Variants in MARCO observed in about 807,000 individuals in gnomAD.
MARCO encodes the protein macrophage receptor with collagenous structure, also known as macrophage receptor MARCO.
MARCO carries 72 observed loss-of-function variants against 70.0 expected under a neutral mutation model. The ratio of observed to expected loss-of-function variants is 1.03; its 90% confidence interval spans 0.85 to 1.25. MARCO has a LOEUF of 1.25. Among genes scored for constraint, MARCO ranks in the 50% most tolerant of loss-of-function variants. The pLI is 0.00. For missense variants in MARCO, 696 were observed against 659.3 expected, an observed-to-expected ratio of 1.06 and a Z score of -0.61; for synonymous variants, 273 against 243.1, an observed-to-expected ratio of 1.12 and a Z score of -1.14.
Position 118,957,166 on chromosome 2 carries a change from CA to C in MARCO, c.98-11987del, listed in dbSNP as rs1166329422. On this transcript the variant is annotated intron_variant, in intron 1 of 16. Coordinates refer to ENST00000327097, the MANE Select transcript of MARCO (RefSeq NM_006770.4). Reference sequence around the variant, plus strand: ...AGAGCAGAACTAAATAAAATTGAAACAAAAAAATACAAAAGATAAATGAAAC... The same window carrying C: ...AGAGCAGAACTAAATAAAATTGAAACAAAAAATACAAAAGATAAATGAAAC... Among the ~76,000 whole-genome samples, 35 of 151,080 alleles carry C rather than the reference CA, an allele frequency of 2.3e-4. No individual in the cohort carries two copies. In the East Asian group the frequency reaches 6.6e-3, roughly 29 times the overall value.
At chr2:118,943,985 T>C (rs533836386) in intron 1 of MARCO, among the ~76,000 whole-genome samples, 11 of 151,946 alleles carry the variant, frequency 7.2e-5, no homozygotes, top group African/African-American at 2.4e-4. Context: ...TGAGGGGCAG[T>C]GGATGGAAGG....
intron 12 of MARCO, among the ~76,000 whole-genome samples, chr2:118,988,584 A>G (rs1251227415): frequency 1.3e-5 from 2 of 152,046 alleles, no homozygotes; most frequent in African/African-American, 2.4e-5. Flanking sequence ...GGTAGGGTTC[A>G]GGGACCCCAA....
chr2:118,994,173 C>T (rs958773299), intron 16 of MARCO, among the ~76,000 whole-genome samples: 18 of 147,058 alleles, frequency 1.2e-4, no homozygotes, highest in Admixed American at 4.2e-4. Context: ...GAGAATAGAA[C>T]GGAGGCAAAG....
chr2:118,991,700 T>G lies in MARCO; in HGVS notation c.1109-77T>G, dbSNP rs143580721. 5 of 788,462 alleles carry G rather than the reference T, an allele frequency of 6.3e-6. No individual in the cohort carries two copies. In the African/African-American group the frequency reaches 8.9e-5, roughly 14 times the overall value. The allele number at this position is 788,462 out of a possible 1,614,324, so 48.8% of individuals were successfully genotyped here. ...CTGGCAGTTAAGGATAACTCATTTA[T>G]TAAACAGTAATGCCCTTGGGTCTCT... On this transcript the variant is annotated intron_variant, in intron 13 of 16. Transcript: ENST00000327097.
intron 12 of MARCO, among the ~76,000 whole-genome samples, chr2:118,986,703 AAG>A (rs1461543100): frequency 3.4e-5 from 4 of 118,848 alleles, no homozygotes; most frequent in East Asian, 5.2e-4. Context: ...GAAAGAAAGA[AAG>A]AAAGAAAGAA....
chr2:118,977,402 T>C, intron 6 of MARCO, 69 bp from the exon 7 acceptor site: 10 of 1,256,048 alleles, frequency 8.0e-6, no homozygotes, highest in South Asian at 7.2e-5. Flanking sequence ...ATCTAGAATG[T>C]CAGCTGATTA....
At chr2:118,950,517 T>C (rs1359110330) in intron 1 of MARCO, among the ~76,000 whole-genome samples, 3 of 152,234 alleles carry the variant, frequency 2.0e-5, no homozygotes, top group Non-Finnish European at 4.4e-5. Context: ...TTATAATCCT[T>C]TTACCAAAAG....
At chr2:118,990,778 G>C in intron 13 of MARCO, 145 bp downstream of exon 13, 2 of 767,586 alleles carry the variant, frequency 2.6e-6, no homozygotes, top group Non-Finnish European at 2.2e-6. Context: ...TGTCACTCAA[G>C]CCTCAGATTT....
chr2:118,992,019 A>C (rs147221284), intron 14 of MARCO, 144 bp downstream of exon 14: 1 of 685,624 alleles, frequency 1.5e-6, no homozygotes, highest in Non-Finnish European at 2.5e-6. Context: ...CTTGATTGAC[A>C]AGTCTTGTGC....
At chr2:118,993,779 G>T (rs777768911) in intron 16 of MARCO, among the ~76,000 whole-genome samples, 1 of 152,350 alleles carries the variant, frequency 6.6e-6, no homozygotes, top group East Asian at 1.9e-4. Flanking sequence ...GCAAATCAGA[G>T]CAGGGACTTA....
intron 4 of MARCO, among the ~76,000 whole-genome samples, chr2:118,973,962 C>T (rs1680225164): frequency 1.3e-5 from 2 of 152,172 alleles, no homozygotes; most frequent in South Asian, 4.1e-4. Context: ...TGTGAGCTTG[C>T]CTTGTGTGTT....
At position 118,982,201 on chromosome 2, in the gene MARCO, G is replaced by A; in HGVS notation, c.947G>A (p.Gly316Glu). 2 of 1,613,356 alleles carry A rather than the reference G, an allele frequency of 1.2e-6. No homozygotes were observed. Among genetic ancestry groups the A allele is most frequent in the Non-Finnish European group, 1.7e-6 (2 of 1,179,484 alleles). The change falls in exon 11 of 17, where the codon GGA becomes GAA. Residue 316 changes from glycine to glutamate, a missense_variant. Coordinates refer to ENST00000327097, the MANE Select transcript of MARCO (RefSeq NM_006770.4). ...GTTCCGGGCCCTCCTGGTGCAGTGG[G>A]ACACCCAGGTGCCAAGGGTGAGCCT... ...QGVPGPPGAV[G>E]HPGAKGEPGS...
intron 1 of MARCO, among the ~76,000 whole-genome samples, chr2:118,968,784 C>T (rs763849542): frequency 3.9e-5 from 6 of 152,204 alleles, no homozygotes; most frequent in Admixed American, 2.0e-4. Flanking sequence ...AACCCTCCTC[C>T]TCCCAGAGTT....
intron 12 of MARCO, among the ~76,000 whole-genome samples, chr2:118,983,990 C>T (rs1350124732): frequency 6.6e-6 from 1 of 152,190 alleles, no homozygotes; most frequent in African/African-American, 2.4e-5. Context: ...ACAAAAGCAG[C>T]TCCTGCTAAT....
chr2:118,961,165 G>A (rs1018677309), intron 1 of MARCO, among the ~76,000 whole-genome samples: 1 of 152,124 alleles, frequency 6.6e-6, no homozygotes, highest in South Asian at 2.1e-4. Flanking sequence ...TTGATTCCAT[G>A]TCTTTGTTAT....
chr2:118,987,411 C>T (rs1278569779), intron 12 of MARCO, among the ~76,000 whole-genome samples: 1 of 152,196 alleles, frequency 6.6e-6, no homozygotes, highest in Admixed American at 6.5e-5. Context: ...ACCACTCAGC[C>T]AGTGTTCTCT....
At chr2:118,962,600 A>T (rs1358705084) in intron 1 of MARCO, among the ~76,000 whole-genome samples, 2 of 151,928 alleles carry the variant, frequency 1.3e-5, no homozygotes, top group Non-Finnish European at 2.9e-5. Context: ...ACTATCTTTG[A>T]TTTTCATATT....
intron 6 of MARCO, 26 bp downstream of exon 6, chr2:118,974,591 A>G (rs763071238): frequency 6.2e-7 from 1 of 1,605,410 alleles, no homozygotes. Flanking sequence ...GTATGTACCC[A>G]GAAATACACA....
intron 1 of MARCO, among the ~76,000 whole-genome samples, chr2:118,964,540 T>G (rs891478101): frequency 7.2e-5 from 11 of 152,208 alleles, no homozygotes; most frequent in African/African-American, 2.4e-4. Flanking sequence ...AAATAAGCTG[T>G]ACCACTTACA....
Sources: allele counts gnomAD v4.1 joint callset (sites outside exome capture counted in the v4.1 genomes callset), GRCh38; gene constraint gnomAD v4.1.1; transcripts MANE v1.5; gene names NCBI Gene and HGNC (gene_info 2026-07-23, HGNC 2026-07-21).